TEC: variants seen among roughly 807,000 people sequenced by gnomAD.
TEC encodes tec protein tyrosine kinase.
In TEC, 72 loss-of-function variants were observed where a neutral mutation model predicts 93.0. The ratio of observed to expected loss-of-function variants is 0.77; its 90% CI spans 0.64 to 0.94. The LOEUF is 0.94. TEC is among the 40% of genes least tolerant of loss of function. The pLI is 0.00. For missense variants in TEC, 630 were observed against 757.9 expected, an observed-to-expected ratio of 0.83 and a Z score of 1.98; for synonymous variants, 249 against 247.7, an observed-to-expected ratio of 1.01 and a Z score of -0.05.
intron 1 of TEC, among the ~76,000 whole-genome samples, chr4:48,268,251 A>G (rs1724690013): frequency 6.6e-6 from 1 of 152,258 alleles, no homozygotes; most frequent in Non-Finnish European, 1.5e-5. Context: ...TGAAAATTCT[A>G]GTTGGACCTA....
chr4:48,202,868 A>G (rs1177472997), intron 2 of TEC, among the ~76,000 whole-genome samples: 1 of 152,214 alleles, frequency 6.6e-6, no homozygotes, highest in Non-Finnish European at 1.5e-5. Context: ...GTTTCAGAAA[A>G]TCTGCTTTTC....
chr4:48,238,947 G>C (rs1465497867), intron 1 of TEC, among the ~76,000 whole-genome samples: 1 of 152,118 alleles, frequency 6.6e-6, no homozygotes. Flanking sequence ...ACAAGATGGA[G>C]CCTGATCCTG....
chr4:48,219,938 C>T (rs73138482), intron 2 of TEC, among the ~76,000 whole-genome samples: 2,064 of 152,082 alleles, frequency 0.014, 53 homozygotes, highest in African/African-American at 0.047. Context: ...TAGGGCTGGA[C>T]GCTGCAAGGC....
intron 2 of TEC, among the ~76,000 whole-genome samples, chr4:48,201,117 T>C (rs1722491468): frequency 6.6e-6 from 1 of 151,936 alleles, no homozygotes; most frequent in Non-Finnish European, 1.5e-5. Flanking sequence ...AGGACTGAGA[T>C]ATATTTAGAA....
At chr4:48,141,472 T>G in intron 14 of TEC, 53 bp from the exon 15 acceptor site, 1 of 1,530,360 alleles carries the variant, frequency 6.5e-7, no homozygotes, top group Admixed American at 1.7e-5. Flanking sequence ...ATCATTTAAG[T>G]AGGAAAATGT....
chr4:48,139,784 G>A lies in TEC; in HGVS notation c.1536-762C>T, dbSNP rs1719585351. Among the ~76,000 whole-genome samples the A allele has an allele frequency of 1.3e-5, 2 of 152,228 alleles. 1 individual carries two copies. The highest frequency in any genetic ancestry group is 4.1e-4 in the South Asian group (2 of 4,834). ...AAAGGAATGTATCTCTGTATTGTGT[G>A]TGAATATACCATTAATTTCTAAAAG... On this transcript the variant is annotated intron_variant, in intron 15 of 17. Transcript: ENST00000381501.
chr4:48,182,423 C>T (rs1721628052), intron 2 of TEC, among the ~76,000 whole-genome samples: 1 of 152,098 alleles, frequency 6.6e-6, no homozygotes, highest in Non-Finnish European at 1.5e-5. Context: ...CTTTCCCTGA[C>T]TCACCTTTGA....
At chr4:48,165,420 T>A (rs1174943896) in intron 7 of TEC, among the ~76,000 whole-genome samples, 1 of 152,220 alleles carries the variant, frequency 6.6e-6, no homozygotes, top group African/African-American at 2.4e-5. Context: ...GCAGATGGAA[T>A]GACAAAATTA....
rs1461137465 is a variant in TEC, at chr4:48,171,288, T to A, written c.325+80A>T. On this transcript the variant is annotated intron_variant, in intron 4 of 17. Transcript: ENST00000381501. ...AGAGATTACAAATGCAATAGATACA[T>A]TAGCTGTATTTCTGTCTTAATGATA... 2.7e-6 allele frequency: 3 copies of A among 1,102,454 alleles called. No homozygotes were observed. In the East Asian group the frequency reaches 7.5e-5, roughly 27 times the overall value. The allele number at this position is 1,102,454 out of a possible 1,614,324, so 68.3% of individuals were successfully genotyped here. A position where few individuals can be genotyped will look rare whatever the true frequency, so the allele number is the denominator to read the frequency against.
chr4:48,226,348 C>T (rs1175057893), intron 2 of TEC, among the ~76,000 whole-genome samples: 1 of 142,218 alleles, frequency 7.0e-6, no homozygotes, highest in Non-Finnish European at 1.6e-5. Flanking sequence ...AGGGATTTTT[C>T]TCTCAGTAAA....
intron 1 of TEC, among the ~76,000 whole-genome samples, chr4:48,232,380 A>G (rs1723674336): frequency 6.6e-6 from 1 of 152,224 alleles, no homozygotes; most frequent in Non-Finnish European, 1.5e-5. Context: ...ATTTAAGTTG[A>G]AAGGAATCTT....
At chr4:48,232,316 A>C (rs1005847319) in intron 1 of TEC, among the ~76,000 whole-genome samples, 1 of 152,020 alleles carries the variant, frequency 6.6e-6, no homozygotes, top group African/African-American at 2.4e-5. Flanking sequence ...AAAACAAAAA[A>C]AAAACACCTT....
At chr4:48,193,287 C>T (rs188425585) in intron 2 of TEC, among the ~76,000 whole-genome samples, 75 of 151,980 alleles carry the variant, frequency 4.9e-4, no homozygotes, top group Admixed American at 2.4e-3. Flanking sequence ...TTCTTAACTA[C>T]GCCGTTTTCG....
At chr4:48,262,790 C>G (rs1405790713) in intron 1 of TEC, among the ~76,000 whole-genome samples, 1 of 152,174 alleles carries the variant, frequency 6.6e-6, no homozygotes, top group Non-Finnish European at 1.5e-5. Context: ...GCTGAAAAAG[C>G]CTTTTTAACC....
At chr4:48,158,903 G>T (rs1376910943) in intron 8 of TEC, among the ~76,000 whole-genome samples, 1 of 152,138 alleles carries the variant, frequency 6.6e-6, no homozygotes, top group Non-Finnish European at 1.5e-5. Context: ...ATGTTCCCTG[G>T]AAAGGATGTT....
intron 9 of TEC, chr4:48,155,804 T>C (rs1720376485): frequency 6.6e-6 from 1 of 152,140 alleles, no homozygotes; most frequent in Non-Finnish European, 1.5e-5. Flanking sequence ...CAAGAGTTGC[T>C]AGGTTTGTGG....
At chr4:48,245,053 C>T (rs560893769) in intron 1 of TEC, among the ~76,000 whole-genome samples, 52 of 152,120 alleles carry the variant, frequency 3.4e-4, no homozygotes, top group Admixed American at 7.2e-4. Context: ...CCAGCACTTC[C>T]GGAGGCCGAG....
chr4:48,220,460 T>C (rs1723223995), intron 2 of TEC, among the ~76,000 whole-genome samples: 1 of 151,896 alleles, frequency 6.6e-6, no homozygotes, highest in Admixed American at 6.6e-5. Context: ...CACTCTGAGT[T>C]CATGTGAGAT....
At chr4:48,167,288 CATATAT>C (rs138124370) in intron 7 of TEC, among the ~76,000 whole-genome samples, 13 of 151,636 alleles carry the variant, frequency 8.6e-5, no homozygotes, top group Non-Finnish European at 1.5e-5. Context: ...CACACATATA[CATATAT>C]ATATATTCTC....
Sources: gnomAD v4.1 joint callset for allele counts (sites outside exome capture counted in the v4.1 genomes callset) on GRCh38, gnomAD v4.1.1 for gene constraint, MANE v1.5 for transcripts, NCBI Gene and HGNC (gene_info 2026-07-23, HGNC 2026-07-21) for gene names.